Variants in GRM8 observed in about 807,000 individuals in gnomAD.
The protein encoded by GRM8 is metabotropic glutamate receptor 8.
GRM8 carries 47 observed loss-of-function variants against 87.2 expected under a neutral mutation model. That is an observed-to-expected ratio of 0.54 (90% confidence interval 0.43 to 0.69). GRM8 has a LOEUF of 0.69. GRM8 is among the 30% of genes least tolerant of loss of function. GRM8 has a pLI of 0.00. For missense variants in GRM8, 1,019 were observed against 1,139.2 expected, an observed-to-expected ratio of 0.89 and a Z score of 1.52; for synonymous variants, 396 against 404.5, an observed-to-expected ratio of 0.98 and a Z score of 0.25.
At chr7:127,015,199 G>C (rs1236384562) in intron 3 of GRM8, among the ~76,000 whole-genome samples, 1 of 86,400 alleles carries the variant, frequency 1.2e-5, no homozygotes, top group East Asian at 4.2e-4. Context: ...AGAAGAAGAA[G>C]AAGAAGAAGA....
chr7:126,630,873 C>T (rs1311254551), intron 7 of GRM8, among the ~76,000 whole-genome samples: 1 of 152,066 alleles, frequency 6.6e-6, no homozygotes, highest in Non-Finnish European at 1.5e-5. Flanking sequence ...ATTGAAGGAA[C>T]ATGCCTCAAA....
Position 126,460,727 on chromosome 7 carries a change from A to C in GRM8, c.2431-14355T>G, listed in dbSNP as rs138784080. ...GGTACCTGAAAGAGCTAAATACAAG[A>C]GAGTGAAGGAGAAAAGCCTTATGTA... is the stretch of plus-strand genomic sequence containing the variant. On this transcript the variant is annotated intron_variant, in intron 9 of 10. Transcript: ENST00000339582. Among the ~76,000 whole-genome samples the C allele has an allele frequency of 8.5e-3, 1,287 of 151,658 alleles. 8 individuals carry two copies. Among genetic ancestry groups the C allele is most frequent in the Middle Eastern group, 0.037 (11 of 294 alleles).
chr7:126,751,491 C>T (rs1816410984), intron 7 of GRM8, among the ~76,000 whole-genome samples: 1 of 152,072 alleles, frequency 6.6e-6, no homozygotes, highest in Non-Finnish European at 1.5e-5. Context: ...ATTTGGGGCT[C>T]TTCAGAGGAC....
chr7:126,641,221 GC>G (rs1484520195), intron 7 of GRM8, among the ~76,000 whole-genome samples: 1 of 152,108 alleles, frequency 6.6e-6, no homozygotes, highest in Admixed American at 6.6e-5. Context: ...TGTCCCCAGT[GC>G]AATGGTCTGT....
intron 2 of GRM8, among the ~76,000 whole-genome samples, chr7:127,148,597 A>G (rs1252371620): frequency 6.6e-6 from 1 of 151,956 alleles, no homozygotes; most frequent in Non-Finnish European, 1.5e-5. Context: ...ATCTTAACAA[A>G]TTTAAGAATA....
At chr7:127,182,299 C>A (rs561452568) in intron 2 of GRM8, among the ~76,000 whole-genome samples, 46 of 152,156 alleles carry the variant, frequency 3.0e-4, no homozygotes, top group African/African-American at 1.0e-3. Context: ...AATGTGATAT[C>A]ATCTTACTTC....
chr7:126,741,893 C>T (rs1815049039), intron 7 of GRM8, among the ~76,000 whole-genome samples: 1 of 151,978 alleles, frequency 6.6e-6, no homozygotes, highest in Non-Finnish European at 1.5e-5. Flanking sequence ...CCCAAGAGTA[C>T]CACCTTCAGA....
At chr7:126,530,913 T>C (rs778837393) in intron 9 of GRM8, among the ~76,000 whole-genome samples, 16 of 152,162 alleles carry the variant, frequency 1.1e-4, no homozygotes, top group African/African-American at 1.7e-4. Context: ...GCTCAAACAA[T>C]CCCTGCTGTC....
At chr7:126,706,358 A>T (rs973482269) in intron 7 of GRM8, among the ~76,000 whole-genome samples, 21 of 152,156 alleles carry the variant, frequency 1.4e-4, no homozygotes, top group African/African-American at 4.6e-4. Flanking sequence ...CTAATGGTCT[A>T]GTTCCTGTCC....
At chr7:127,151,381 C>T (rs1828852566) in intron 2 of GRM8, among the ~76,000 whole-genome samples, 1 of 152,060 alleles carries the variant, frequency 6.6e-6, no homozygotes, top group South Asian at 2.1e-4. Context: ...CTTATCTCTT[C>T]CATGGATCTT....
chr7:126,907,247 G>A (rs921671304), intron 3 of GRM8, among the ~76,000 whole-genome samples: 1 of 137,994 alleles, frequency 7.2e-6, no homozygotes, highest in African/African-American at 2.7e-5. Context: ...AGATGGAGGA[G>A]GAGGAGTAAG....
At chr7:127,061,269 C>G (rs1383341506) in intron 3 of GRM8, among the ~76,000 whole-genome samples, 2 of 152,154 alleles carry the variant, frequency 1.3e-5, no homozygotes, top group Non-Finnish European at 2.9e-5. Context: ...ATGCTAGCTA[C>G]TAGAAATTGT....
At chr7:126,959,905 C>T (rs1809128244) in intron 3 of GRM8, among the ~76,000 whole-genome samples, 1 of 152,166 alleles carries the variant, frequency 6.6e-6, no homozygotes, top group Non-Finnish European at 1.5e-5. Flanking sequence ...CTAAACTCAG[C>T]TTCCTCATCT....
In GRM8 at chr7:127,088,854, A is replaced by C. The variant is rs543234565; in HGVS notation, c.727+17642T>G. Among the ~76,000 whole-genome samples, 90 of 152,342 alleles carry C rather than the reference A, an allele frequency of 5.9e-4. 1 individual carries two copies. The highest frequency in any genetic ancestry group is 1.1e-3 in the Non-Finnish European group (76 of 68,026). On this transcript the variant is annotated intron_variant, in intron 3 of 10. Transcript: ENST00000339582. ...CCAGAAATGGGCATATGTCCCATGC[A>C]TGGCTAAAGTGAATAGCACCTTCCC... is the stretch of plus-strand genomic sequence containing the variant.
At chr7:126,956,553 T>C (rs1055182560) in intron 3 of GRM8, among the ~76,000 whole-genome samples, 6 of 152,258 alleles carry the variant, frequency 3.9e-5, no homozygotes, top group African/African-American at 1.4e-4. Context: ...GTTACATATA[T>C]ATACATGTGC....
intron 7 of GRM8, among the ~76,000 whole-genome samples, chr7:126,709,871 G>A (rs186380220): frequency 3.3e-5 from 5 of 152,090 alleles, no homozygotes; most frequent in East Asian, 1.9e-4. Context: ...TTGCAACAAC[G>A]CGGATGAACT....
chr7:126,904,369 G>A (rs1412958265), intron 4 of GRM8, among the ~76,000 whole-genome samples, 179 bp downstream of exon 4: 9 of 152,030 alleles, frequency 5.9e-5, no homozygotes, highest in Non-Finnish European at 1.3e-4. Context: ...TATCACCTTT[G>A]TTTGTCTTAT....
chr7:126,732,668 G>T (rs987169046), intron 7 of GRM8, among the ~76,000 whole-genome samples: 4 of 152,022 alleles, frequency 2.6e-5, no homozygotes, highest in Non-Finnish European at 4.4e-5. Context: ...CTTAGGTGAA[G>T]GTCTGCTCAA....
chr7:126,803,133 C>T (rs1258845089), intron 6 of GRM8, among the ~76,000 whole-genome samples: 1 of 152,160 alleles, frequency 6.6e-6, no homozygotes, highest in Non-Finnish European at 1.5e-5. Flanking sequence ...GCCTGTGAGG[C>T]CCCAAATTAT....
Sources: allele counts gnomAD v4.1 joint callset (sites outside exome capture counted in the v4.1 genomes callset), GRCh38; gene constraint gnomAD v4.1.1; transcripts MANE v1.5; gene names NCBI Gene and HGNC (gene_info 2026-07-23, HGNC 2026-07-21).